LRRIQ3: variants seen among roughly 807,000 people sequenced by gnomAD.
LRRIQ3 encodes leucine-rich repeat and IQ domain-containing protein 3.
A neutral mutation model predicts 59.3 loss-of-function variants in LRRIQ3; 75 were observed. The ratio of observed to expected loss-of-function variants is 1.26; its 90% confidence interval spans 1.05 to 1.53. The LOEUF (loss-of-function observed/expected upper bound fraction) is 1.53. Ranked by LOEUF, LRRIQ3 falls within the 40% of genes most tolerant of loss-of-function variation. The pLI is 0.00. For synonymous variants in LRRIQ3, 250 were observed against 231.3 expected (o/e 1.08, Z -0.73); for missense variants, 831 against 710.0 (o/e 1.17, Z -1.94).
At chr1:74,152,482 T>C (rs1330042646) in intron 4 of LRRIQ3, among the ~76,000 whole-genome samples, 1 of 152,166 alleles carries the variant, frequency 6.6e-6, no homozygotes, top group Admixed American at 6.5e-5. Context: ...GTAGTGACTA[T>C]GAAACTATTT....
At chr1:74,168,179 A>C (rs1199549884) in intron 3 of LRRIQ3, among the ~76,000 whole-genome samples, 1 of 152,064 alleles carries the variant, frequency 6.6e-6, no homozygotes, top group Non-Finnish European at 1.5e-5. Context: ...TAGTTGATAG[A>C]GAGAAGTATT....
intron 7 of LRRIQ3, among the ~76,000 whole-genome samples, chr1:74,033,884 C>A (rs1325137473): frequency 6.6e-6 from 1 of 151,948 alleles, no homozygotes; most frequent in Non-Finnish European, 1.5e-5. Flanking sequence ...AAAATGGACA[C>A]CCTGCTCTCC....
chr1:74,167,444 G>A (rs953831902), intron 3 of LRRIQ3, among the ~76,000 whole-genome samples: 1 of 151,708 alleles, frequency 6.6e-6, no homozygotes, highest in Non-Finnish European at 1.5e-5. Flanking sequence ...GTTCATAGGT[G>A]CAGCAAACCA....
intron 6 of LRRIQ3, among the ~76,000 whole-genome samples, chr1:74,051,608 C>G (rs1384803420): frequency 1.3e-5 from 2 of 151,956 alleles, no homozygotes; most frequent in African/African-American, 4.8e-5. Flanking sequence ...TTTTCATCAC[C>G]CCAAACAGAA....
chr1:74,094,853 C>T (rs1028884240), intron 5 of LRRIQ3, among the ~76,000 whole-genome samples: 5 of 152,024 alleles, frequency 3.3e-5, no homozygotes, highest in African/African-American at 1.2e-4. Context: ...TTGGTAGAGG[C>T]TTTGTGTTCT....
intron 6 of LRRIQ3, among the ~76,000 whole-genome samples, chr1:74,064,992 C>G (rs953182540): frequency 1.3e-5 from 2 of 151,998 alleles, no homozygotes; most frequent in Non-Finnish European, 2.9e-5. Context: ...TGGAAAGTAA[C>G]TATTTTTTCA....
rs1653516062 is a variant in LRRIQ3 at position 74,026,394 on chromosome 1, G to T, written c.*419C>A. On this transcript the variant is annotated 3_prime_UTR_variant, in exon 8 of 8. Coordinates refer to ENST00000354431, the MANE Select transcript of LRRIQ3 (RefSeq NM_001105659.2). The stretch of plus-strand genomic sequence containing the variant: ...ATAAGCAGGAAATATATAAAAGCAG[G>T]TAATAAAAGTCATCAACGTACACAG... 6.6e-6 allele frequency: 1 copy of T among 152,280 alleles called. No homozygotes were observed. The highest frequency in any genetic ancestry group is 2.1e-4 in the South Asian group (1 of 4,838). 9.4% of individuals were successfully genotyped at this position (152,280 alleles called of 1,614,324 possible).
chr1:74,114,842 G>A (rs767416207), intron 4 of LRRIQ3, among the ~76,000 whole-genome samples: 67 of 151,594 alleles, frequency 4.4e-4, no homozygotes, highest in Admixed American at 1.3e-3. Flanking sequence ...AATAAAAGCT[G>A]TAAAAGAAGA....
In LRRIQ3 at chr1:74,101,201, CA is replaced by C. The variant is rs1646526547; in HGVS notation, c.867+8192del. ...AACCAGAATCTACAAAGCACTCAAA[CA>C]AACTTACAAGAAAAAAACAAACAAC... On this transcript the variant is annotated intron_variant, in intron 5 of 7. Coordinates refer to ENST00000354431, the MANE Select transcript of LRRIQ3 (RefSeq NM_001105659.2). Among the ~76,000 whole-genome samples, 6 of 151,356 alleles carry C rather than the reference CA, an allele frequency of 4.0e-5. No individual in the cohort carries two copies. In the South Asian group the frequency reaches 1.3e-3, roughly 33 times the overall value.
At chr1:74,049,784 T>C (rs1654310742) in intron 6 of LRRIQ3, among the ~76,000 whole-genome samples, 1 of 150,872 alleles carries the variant, frequency 6.6e-6, no homozygotes, top group African/African-American at 2.4e-5. Flanking sequence ...TTTAAAACTT[T>C]CACTAATGTA....
chr1:74,157,829 T>C (rs1017097043), intron 3 of LRRIQ3, among the ~76,000 whole-genome samples: 4 of 152,172 alleles, frequency 2.6e-5, no homozygotes, highest in Non-Finnish European at 5.9e-5. Flanking sequence ...TCTAAGTTCA[T>C]AGCTTGAACA....
intron 6 of LRRIQ3, among the ~76,000 whole-genome samples, chr1:74,066,522 T>C (rs1654871820): frequency 6.6e-6 from 1 of 151,736 alleles, no homozygotes; most frequent in Non-Finnish European, 1.5e-5. Context: ...ATAACAACAA[T>C]AACAGCAGCA....
chr1:74,157,711 T>G (rs1648420380), intron 3 of LRRIQ3, among the ~76,000 whole-genome samples: 1 of 152,150 alleles, frequency 6.6e-6, no homozygotes, highest in African/African-American at 2.4e-5. Context: ...TGTTTACTTC[T>G]GCACTTTAAA....
At chr1:74,129,372 A>G (rs1196494503) in intron 4 of LRRIQ3, among the ~76,000 whole-genome samples, 1 of 151,996 alleles carries the variant, frequency 6.6e-6, no homozygotes, top group Admixed American at 6.6e-5. Flanking sequence ...CACCCCAGTT[A>G]TGTGGTGAGT....
chr1:74,089,247 C>T (rs1035221755), intron 5 of LRRIQ3, among the ~76,000 whole-genome samples: 15 of 151,988 alleles, frequency 9.9e-5, no homozygotes, highest in Admixed American at 2.0e-4. Context: ...GAAAACTGTT[C>T]GGCAGTTTCT....
At chr1:74,131,372 C>T (rs1283797469) in intron 4 of LRRIQ3, among the ~76,000 whole-genome samples, 1 of 152,046 alleles carries the variant, frequency 6.6e-6, no homozygotes, top group Admixed American at 6.6e-5. Context: ...CTAACTCATC[C>T]TATGAGGCCA....
chr1:74,144,248 G>A lies in LRRIQ3; in HGVS notation c.707+11485C>T, dbSNP rs565361434. The stretch of plus-strand genomic sequence containing the variant: ...AATCAGTGTCCCTTCATTTGACAAG[G>A]AGTCTTATTTGCAACCATATTTGGC... On this transcript the variant is annotated intron_variant, in intron 4 of 7. Coordinates refer to ENST00000354431, the MANE Select transcript of LRRIQ3 (RefSeq NM_001105659.2). 5.5e-5 allele frequency: 9 copies of A among 164,572 alleles called. No homozygotes were observed. In the South Asian group the frequency reaches 1.1e-3, roughly 19 times the overall value. 10.2% of individuals were successfully genotyped at this position (164,572 alleles called of 1,614,324 possible).
At chr1:74,051,929 A>G (rs1011837747) in intron 6 of LRRIQ3, among the ~76,000 whole-genome samples, 1 of 152,136 alleles carries the variant, frequency 6.6e-6, no homozygotes, top group Non-Finnish European at 1.5e-5. Flanking sequence ...ACCTGGCCAT[A>G]AAGAGTGAAA....
chr1:74,100,527 T>A (rs1646514964), intron 5 of LRRIQ3, among the ~76,000 whole-genome samples: 1 of 151,998 alleles, frequency 6.6e-6, no homozygotes, highest in African/African-American at 2.4e-5. Context: ...AAGCTACTAA[T>A]GACTTTCTTC....
Sources: gnomAD v4.1 joint callset for allele counts (sites outside exome capture counted in the v4.1 genomes callset) on GRCh38, gnomAD v4.1.1 for gene constraint, MANE v1.5 for transcripts, NCBI Gene and HGNC (gene_info 2026-07-23, HGNC 2026-07-21) for gene names.